PRAMEF14: variants seen among roughly 807,000 people sequenced by gnomAD.
PRAMEF14 encodes the protein PRAME family member 14.
A neutral mutation model predicts 38.3 loss-of-function variants in PRAMEF14; 24 were observed. The ratio of observed to expected loss-of-function variants is 0.63; its 90% CI spans 0.45 to 0.88. PRAMEF14 has a LOEUF of 0.88. Among genes scored for constraint, PRAMEF14 ranks in the 40% least tolerant of loss-of-function variants. PRAMEF14 has a pLI of 0.00. For synonymous variants in PRAMEF14, 194 were observed against 226.4 expected (o/e 0.86, Z 1.29); for missense variants, 477 against 570.8 (o/e 0.84, Z 1.67).
Position 13,345,255 on chromosome 1 carries a change from G to C in PRAMEF14, c.60C>G (p.Asp20Glu), listed in dbSNP as rs1640386584. 1 of 1,607,320 alleles carries C rather than the reference G, an allele frequency of 6.2e-7. No homozygotes were observed. Among genetic ancestry groups the C allele is most frequent in the South Asian group, 1.1e-5 (1 of 90,704 alleles). Residue 20 changes from aspartate (D) to glutamate (E), a missense_variant, in exon 2 of 4, where the codon GAC (aspartate) becomes GAG (glutamate). Transcript: ENST00000334600. ...LELAGQSLLR[D>E]QALSISAMEE... Reference sequence around the variant, plus strand: ...CCATGGCAGAGATGGACAAGGCCTGGTCTCTCAGCAGGCTCTGCCCTGCCA... The same window carrying C: ...CCATGGCAGAGATGGACAAGGCCTGCTCTCTCAGCAGGCTCTGCCCTGCCA...
In PRAMEF14 at chr1:13,342,837, G is replaced by A. The variant is rs200324777; in HGVS notation, c.1116C>T (p.Gly372=). Residue 372 remains glycine (G), a synonymous_variant, in exon 4 of 4, where the codon GGC becomes GGT. Coordinates refer to ENST00000334600, the MANE Select transcript of PRAMEF14 (RefSeq NM_001024661.2). ...HYSQLSAILP[G]LSHCSQLTTF... is the part of the protein sequence containing the mutation. ...TGGTGAGCTGGGAGCAGTGGCTCAG[G>A]CCAGGCAGGATGGCACTGAGTTGGG... 550 of 1,608,540 alleles carry A rather than the reference G, an allele frequency of 3.4e-4. 3 individuals carry two copies. The highest frequency in any genetic ancestry group is 4.4e-4 in the Non-Finnish European group (519 of 1,179,196).
rs1553125274 is a variant in PRAMEF14 at position 13,342,215 on chromosome 1, T to C, written c.*313A>G. The C allele has an allele frequency of 2.0e-4, 84 of 419,478 alleles. 1 individual carries two copies. In the South Asian group the frequency reaches 2.4e-3, roughly 12 times the overall value. The allele number at this position is 419,478 out of a possible 1,614,324, so 26.0% of individuals were successfully genotyped here. ...CCTTGCCCCCTGCTGTTATGTTTTT[T>C]TCCCTCACACTGAGCACTTCCCTGT... is the stretch of plus-strand genomic sequence containing the variant. On this transcript the variant is annotated 3_prime_UTR_variant, in exon 4 of 4. Transcript: ENST00000334600.
chr1:13,342,943 A>G lies in PRAMEF14; in HGVS notation c.1010T>C (p.Leu337Pro). 1 of 1,608,440 alleles carries G rather than the reference A, an allele frequency of 6.2e-7. No homozygotes were observed. Among genetic ancestry groups the G allele is most frequent in the Non-Finnish European group, 8.5e-7 (1 of 1,178,244 alleles). Reference sequence around the variant, plus strand: ...CTCTAGCAGAGCTCCGAGGGGTTCAAGACTGATGCGGAACAGCAGCACGTA... The same window carrying G: ...CTCTAGCAGAGCTCCGAGGGGTTCAGGACTGATGCGGAACAGCAGCACGTA... Reference protein sequence around the residue: ...LSYVLLFRISLEPLGALLEKI... With the variant: ...LSYVLLFRISPEPLGALLEKI... Residue 337 changes from leucine to proline, a missense_variant, in exon 4 of 4, where the codon CTT (leucine) becomes CCT (proline). Leu to Pro is a moderately conservative substitution (Grantham distance 98). Transcript: ENST00000334600.
chr1:13,343,859 T>A lies in PRAMEF14; in HGVS notation c.866+179A>T, dbSNP rs1553125469. On this transcript the variant is annotated intron_variant, in intron 3 of 3. Transcript: ENST00000334600. ...TGACCCCTCTGCCCTTATTGGAGCG[T>A]TCCTGTGATAGCCACTCCAGGACAT... is the stretch of plus-strand genomic sequence containing the variant. 220 of 1,497,926 alleles carry A rather than the reference T, an allele frequency of 1.5e-4. 8 individuals carry two copies. Among genetic ancestry groups the A allele is most frequent in the Admixed American group, 4.1e-4 (21 of 51,124 alleles). 92.8% of individuals were successfully genotyped at this position (1,497,926 alleles called of 1,614,324 possible). A position where few individuals can be genotyped will look rare whatever the true frequency, so the allele number is the denominator to read the frequency against.
chr1:13,344,489 G>A lies in PRAMEF14; in HGVS notation c.415C>T (p.Pro139Ser). 6.2e-7 allele frequency: 1 copy of A among 1,607,330 alleles called. No homozygotes were observed. Among genetic ancestry groups the A allele is most frequent in the South Asian group, 1.1e-5 (1 of 90,698 alleles). Residue 139 changes from proline (P) to serine (S), a missense_variant, in exon 3 of 4, where the codon CCA becomes TCA. Pro to Ser is a moderately conservative substitution (Grantham distance 74). Transcript: ENST00000334600. ...MSKRQTAEDC[P>S]RMGEHQPLKV... ...AAGGGCTGGTGCTCTCCCATCCTTG[G>A]ACAGTCCTCTGCTGTCTGCCTCTTA...
In PRAMEF14 at chr1:13,344,538, C is replaced by G. The variant is rs1640376703; in HGVS notation, c.366G>C (p.Leu122=). 4.4e-6 allele frequency: 7 copies of G among 1,606,652 alleles called. No individual in the cohort carries two copies. The highest frequency in any genetic ancestry group is 1.3e-5 in the African/African-American group (1 of 74,746). Residue 122 remains leucine, a synonymous_variant, in exon 3 of 4, where the codon CTG becomes CTC. Transcript: ENST00000334600. ...FWARWPGAWA[L]SCFPETMSKR... Reference sequence around the variant, plus strand: ...TACTCATGGTCTCTGGGAAGCAGGACAGGGCCCAGGCTCCAGGCCATCTGG... The same window carrying G: ...TACTCATGGTCTCTGGGAAGCAGGAGAGGGCCCAGGCTCCAGGCCATCTGG...
chr1:13,342,769 T>C lies in PRAMEF14; in HGVS notation c.1184A>G (p.Lys395Arg). 4 of 1,603,990 alleles carry C rather than the reference T, an allele frequency of 2.5e-6. No homozygotes were observed. The highest frequency in any genetic ancestry group is 3.4e-6 in the Non-Finnish European group (4 of 1,176,952). Residue 395 changes from lysine to arginine, a missense_variant, in exon 4 of 4, where the codon AAG becomes AGG. Coordinates refer to ENST00000334600, the MANE Select transcript of PRAMEF14 (RefSeq NM_001024661.2). ...CCCACTGGTGTGGCACAACAGGTCC[T>C]TCAGGGCACCCATAGACATACAATT... Reference protein sequence around the residue: ...GRNCMSMGALKDLLCHTSGLS... With the variant: ...GRNCMSMGALRDLLCHTSGLS...
chr1:13,343,700 T>C, intron 3 of PRAMEF14: 6 of 1,346,820 alleles, frequency 4.5e-6, no homozygotes, highest in Non-Finnish European at 5.9e-6. Flanking sequence ...CATACCCTCC[T>C]CTATTATCTC....
At chr1:13,343,162 C>T in intron 3 of PRAMEF14, 76 bp from the exon 4 acceptor site, 2 of 1,096,514 alleles carry the variant, frequency 1.8e-6, no homozygotes, top group Non-Finnish European at 2.6e-6. Context: ...AGGAAAATGC[C>T]TGCGTCAAAC....
At chr1:13,344,802 C>T (rs1640380160) in intron 2 of PRAMEF14, among the ~76,000 whole-genome samples, 186 bp from the exon 3 acceptor site, 1 of 150,558 alleles carries the variant, frequency 6.6e-6, no homozygotes, top group African/African-American at 2.4e-5. Flanking sequence ...CTTCTATTCC[C>T]TTTACCTTCC....
Position 13,343,738 on chromosome 1 carries a change from C to T in PRAMEF14, c.866+300G>A, listed in dbSNP as rs1339102856. 1.4e-5 allele frequency: 19 copies of T among 1,330,616 alleles called. No individual in the cohort carries two copies. The South Asian group carries it at 2.6e-4, about 19-fold the overall frequency. 82.4% of individuals were successfully genotyped at this position (1,330,616 alleles called of 1,614,324 possible). ...TGACATCATATCAACTTGAAACACA[C>T]TTTGTAACAGGAAATTCACACGTGC... On this transcript the variant is annotated intron_variant, in intron 3 of 3. Transcript: ENST00000334600.
In PRAMEF14 at chr1:13,344,690, A is replaced by G. The variant is rs1640379111; in HGVS notation, c.288-74T>C. 8.2e-6 allele frequency: 13 copies of G among 1,589,960 alleles called. 1 individual carries two copies. The South Asian group carries it at 1.5e-4, about 18-fold the overall frequency. ...TGACCTTTGCTTTCATTCTCATCCC[A>G]TAAATCAGCTGCTCCTGTCCTCAGT... On this transcript the variant is annotated intron_variant, in intron 2 of 3. Coordinates refer to ENST00000334600, the MANE Select transcript of PRAMEF14 (RefSeq NM_001024661.2).
chr1:13,345,320 T>A lies in PRAMEF14; in HGVS notation c.-6A>T, dbSNP rs1640387664. On this transcript the variant is annotated 5_prime_UTR_variant, in exon 2 of 4. Coordinates refer to ENST00000334600, the MANE Select transcript of PRAMEF14 (RefSeq NM_001024661.2). Reference sequence around the variant, plus strand: ...GGTGGGGCCTGGATGCTCATCCTGATAGATCTGCAAGAAAAATCTCTAGAA... The same window carrying A: ...GGTGGGGCCTGGATGCTCATCCTGAAAGATCTGCAAGAAAAATCTCTAGAA... 1.7e-5 allele frequency: 27 copies of A among 1,604,560 alleles called. No individual in the cohort carries two copies. The South Asian group carries it at 2.9e-4, about 17-fold the overall frequency.
chr1:13,342,540 A>G lies in PRAMEF14; in HGVS notation c.1413T>C (p.His471=), dbSNP rs1233437152. The G allele has an allele frequency of 4.4e-6, 7 of 1,604,690 alleles. No homozygotes were observed. Among genetic ancestry groups the G allele is most frequent in the Admixed American group, 3.3e-5 (2 of 59,872 alleles). Residue 471 remains histidine (H), a synonymous_variant, in exon 4 of 4, where the codon CAT becomes CAC. Coordinates refer to ENST00000334600, the MANE Select transcript of PRAMEF14 (RefSeq NM_001024661.2). ...AGGCACGCCTTCCCTAGCAGCAAAG[A>G]TGGAGCTCCAGTTCCTCAGACGGTG... The part of the protein sequence containing the change: ...GSSPSEELEL[H]LCC
rs752510974 is a variant in PRAMEF14, at chr1:13,342,605, T to G, written c.1348A>C (p.Ile450Leu). Reference sequence around the variant, plus strand: ...GGGCAGGGGGTGGGACCAATGAAGATCCTCTTGGGCTGCCTGACTTCCCTC... The same window carrying G: ...GGGCAGGGGGTGGGACCAATGAAGAGCCTCTTGGGCTGCCTGACTTCCCTC... ...TLREVRQPKR[I>L]FIGPTPCPSC... Residue 450 changes from isoleucine to leucine, a missense_variant, in exon 4 of 4, where the codon ATC becomes CTC. By Grantham distance (5) the Ile-to-Leu change is conservative. This residue lies in a region of PRAMEF14 where 151 missense variants were observed against 137.4 expected (regional missense o/e 1.10). Coordinates refer to ENST00000334600, the MANE Select transcript of PRAMEF14 (RefSeq NM_001024661.2). 4 of 1,604,284 alleles carry G rather than the reference T, an allele frequency of 2.5e-6. No homozygotes were observed. In the East Asian group the frequency reaches 7.2e-5, roughly 29 times the overall value.
chr1:13,342,792 A>G lies in PRAMEF14; in HGVS notation c.1161T>C (p.Asn387=), dbSNP rs984973650. ...SQLTTFYFGR[N]CMSMGALKDL... ...CCTTCAGGGCACCCATAGACATACAATTTCTGCCAAAGTAGAAGGTGGTGA... is the reference window on the plus strand; with the variant it reads ...CCTTCAGGGCACCCATAGACATACAGTTTCTGCCAAAGTAGAAGGTGGTGA... The change falls in exon 4 of 4, where the codon AAT becomes AAC. Residue 387 remains asparagine, a synonymous_variant. Coordinates refer to ENST00000334600, the MANE Select transcript of PRAMEF14 (RefSeq NM_001024661.2). The G allele has an allele frequency of 3.7e-6, 6 of 1,605,100 alleles. No homozygotes were observed. The highest frequency in any genetic ancestry group is 3.3e-5 in the South Asian group (3 of 90,594).
At chr1:13,343,957 C>T (rs1640366101) in intron 3 of PRAMEF14, 81 bp downstream of exon 3, 11 of 1,589,334 alleles carry the variant, frequency 6.9e-6, no homozygotes, top group Admixed American at 1.7e-5. Context: ...GGCTGGCACA[C>T]AGTACACGCC....
In PRAMEF14 at chr1:13,342,471, T is replaced by C. The variant is rs530274392; in HGVS notation, c.*57A>G. 1.4e-4 allele frequency: 221 copies of C among 1,594,310 alleles called. 1 individual carries two copies. Among genetic ancestry groups the C allele is most frequent in the Non-Finnish European group, 1.8e-4 (211 of 1,170,740 alleles). On this transcript the variant is annotated 3_prime_UTR_variant, in exon 4 of 4. Coordinates refer to ENST00000334600, the MANE Select transcript of PRAMEF14 (RefSeq NM_001024661.2). ...TTTGCACCTACATAGTAGATTTTAG[T>C]GTCCCAGTGCCTGGAAGAGAACTTT...
intron 3 of PRAMEF14, among the ~76,000 whole-genome samples, chr1:13,343,324 CTTTTTTTT>C (rs1162125868): frequency 2.4e-5 from 3 of 127,256 alleles, no homozygotes; most frequent in East Asian, 2.9e-4. Context: ...TCTCTAAAGC[CTTTTTTTT>C]TTTTTTTTTC....
Sources: allele counts gnomAD v4.1 joint callset (sites outside exome capture counted in the v4.1 genomes callset), GRCh38; gene constraint gnomAD v4.1.1; regional missense constraint gnomAD v4.1.1; transcripts MANE v1.5; gene names NCBI Gene and HGNC (gene_info 2026-07-23, HGNC 2026-07-21).